CNTNAP2: variants seen among roughly 807,000 people sequenced by gnomAD.
CNTNAP2 encodes contactin-associated protein-like 2.
CNTNAP2 carries 98 observed loss-of-function variants against 155.2 expected under a neutral mutation model. That is an observed-to-expected ratio of 0.63 (90% CI 0.54 to 0.75). CNTNAP2 has a LOEUF of 0.75. Among genes scored for constraint, CNTNAP2 ranks in the 30% least tolerant of loss-of-function variants. The pLI is 0.00. For missense variants in CNTNAP2, 1,727 were observed against 1,688.1 expected, an observed-to-expected ratio of 1.02 and a Z score of -0.40; for synonymous variants, 651 against 631.2, an observed-to-expected ratio of 1.03 and a Z score of -0.47.
At chr7:147,857,099 T>C (rs1407674524) in intron 13 of CNTNAP2, among the ~76,000 whole-genome samples, 1 of 152,244 alleles carries the variant, frequency 6.6e-6, no homozygotes, top group Admixed American at 6.5e-5. Context: ...AAGTTGTTGT[T>C]GTAAACTAAA....
intron 1 of CNTNAP2, among the ~76,000 whole-genome samples, chr7:146,682,203 T>G (rs927430237): frequency 9.2e-5 from 14 of 152,104 alleles, no homozygotes; most frequent in African/African-American, 3.4e-4. Flanking sequence ...TTCCTCACTG[T>G]GGAAGAACAA....
intron 15 of CNTNAP2, among the ~76,000 whole-genome samples, chr7:148,111,235 G>A (rs776782873): frequency 2.0e-5 from 3 of 152,252 alleles, no homozygotes; most frequent in Non-Finnish European, 4.4e-5. Context: ...ACAATCCAGG[G>A]TAGGGGTGGG....
At chr7:147,408,439 G>C (rs563783867) in intron 10 of CNTNAP2, among the ~76,000 whole-genome samples, 15 of 152,286 alleles carry the variant, frequency 9.8e-5, no homozygotes, top group African/African-American at 3.6e-4. Flanking sequence ...AAGATTTGAA[G>C]CTAGGAATTT....
intron 4 of CNTNAP2, among the ~76,000 whole-genome samples, chr7:147,071,314 A>G (rs1037436681): frequency 2.0e-5 from 3 of 148,190 alleles, no homozygotes; most frequent in Non-Finnish European, 2.9e-5. Context: ...GGTATAAAGC[A>G]GATTATCCTG....
At chr7:147,746,461 C>T (rs114066045) in intron 13 of CNTNAP2, among the ~76,000 whole-genome samples, 35 of 152,244 alleles carry the variant, frequency 2.3e-4, no homozygotes, top group African/African-American at 4.3e-4. Flanking sequence ...TCCGCTGGGA[C>T]GAGGACGAAA....
At position 146,958,060 on chromosome 7, in the gene CNTNAP2, AT is replaced by A. The variant is rs566932197; in HGVS notation, c.403-85845del. 2.2e-4 allele frequency among the ~76,000 whole-genome samples: 34 copies of A among 152,284 alleles called. No homozygotes were observed. In the East Asian group the frequency reaches 6.6e-3, roughly 30 times the overall value. On this transcript the variant is annotated intron_variant, in intron 3 of 23. Transcript: ENST00000361727. ...TATTAACATATTCTTGAAATTGTCTATTCATTTGGTTTCTACTGGATGGTAC... is the reference window on the plus strand; with the variant it reads ...TATTAACATATTCTTGAAATTGTCTATCATTTGGTTTCTACTGGATGGTAC...
intron 4 of CNTNAP2, among the ~76,000 whole-genome samples, chr7:147,046,290 A>G (rs77490929): frequency 0.075 from 11,368 of 151,966 alleles, 506 homozygotes; most frequent in Middle Eastern, 0.15. Context: ...CTCCTTAAAC[A>G]TAAAAATTCA....
chr7:147,718,396 T>C (rs1450909554), intron 13 of CNTNAP2, among the ~76,000 whole-genome samples: 1 of 152,146 alleles, frequency 6.6e-6, no homozygotes, highest in Non-Finnish European at 1.5e-5. Context: ...TGTGATGAAA[T>C]GCATGATGTT....
Position 148,420,720 on chromosome 7 carries a change from G to A in CNTNAP2, c.*5104G>A, listed in dbSNP as rs897274456. The A allele has an allele frequency of 2.6e-5, 4 of 152,510 alleles. No homozygotes were observed. Among genetic ancestry groups the A allele is most frequent in the Non-Finnish European group, 5.9e-5 (4 of 68,006 alleles). The allele number at this position is 152,510 out of a possible 1,614,324, so 9.4% of individuals were successfully genotyped here. ...GATTTTACTAAGTTTTATTTTGTCAGGTTTTTTAAATTTTTTCAGTGAGCG... is the reference window on the plus strand; with the variant it reads ...GATTTTACTAAGTTTTATTTTGTCAAGTTTTTTAAATTTTTTCAGTGAGCG... On this transcript the variant is annotated 3_prime_UTR_variant, in exon 24 of 24. Transcript: ENST00000361727.
At chr7:147,858,658 T>A (rs947827844) in intron 13 of CNTNAP2, among the ~76,000 whole-genome samples, 1 of 152,144 alleles carries the variant, frequency 6.6e-6, no homozygotes, top group East Asian at 1.9e-4. Context: ...TGGGCCCTAA[T>A]TCAATGACTG....
chr7:147,316,723 A>G (rs1321989681), intron 9 of CNTNAP2, among the ~76,000 whole-genome samples: 5 of 151,540 alleles, frequency 3.3e-5, no homozygotes, highest in South Asian at 2.1e-4. Context: ...ATATACAAGA[A>G]TGTTTATTGC....
intron 13 of CNTNAP2, among the ~76,000 whole-genome samples, chr7:147,715,199 A>G (rs1297599335): frequency 6.6e-6 from 1 of 152,148 alleles, no homozygotes; most frequent in African/African-American, 2.4e-5. Flanking sequence ...GTCCACATGT[A>G]TAATTCCTGG....
chr7:146,784,660 CT>C (rs1287979568), intron 2 of CNTNAP2, among the ~76,000 whole-genome samples: 2 of 152,174 alleles, frequency 1.3e-5, no homozygotes, highest in African/African-American at 4.8e-5. Context: ...TCCTCACTCA[CT>C]TCTATAATGA....
intron 18 of CNTNAP2, among the ~76,000 whole-genome samples, chr7:148,208,680 G>A (rs1795494526): frequency 6.6e-6 from 1 of 152,148 alleles, no homozygotes; most frequent in Admixed American, 6.5e-5. Flanking sequence ...TTCAGTGAAT[G>A]GAGTTCAGGC....
chr7:147,371,875 CATAA>C (rs1361773679), intron 9 of CNTNAP2, among the ~76,000 whole-genome samples: 1 of 151,980 alleles, frequency 6.6e-6, no homozygotes, highest in Non-Finnish European at 1.5e-5. Context: ...TGTGTATATA[CATAA>C]ATACATATGG....
chr7:148,307,489 T>G (rs1643428671), intron 21 of CNTNAP2, among the ~76,000 whole-genome samples: 3 of 152,150 alleles, frequency 2.0e-5, no homozygotes, highest in Admixed American at 1.3e-4. Flanking sequence ...GGTTCTGCTG[T>G]TTTTCAGCTC....
intron 3 of CNTNAP2, among the ~76,000 whole-genome samples, chr7:146,908,216 C>T (rs202195163): frequency 0.01 from 1,542 of 152,078 alleles, 25 homozygotes; most frequent in African/African-American, 0.035. Context: ...ACTTTAACAC[C>T]GCACTGTCAA....
At chr7:146,290,980 C>T (rs1425097720) in intron 1 of CNTNAP2, among the ~76,000 whole-genome samples, 2 of 152,148 alleles carry the variant, frequency 1.3e-5, no homozygotes, top group East Asian at 1.9e-4. Flanking sequence ...CTTCCTCAAA[C>T]GGAGGCAACA....
chr7:147,956,580 A>G (rs1040728716), intron 14 of CNTNAP2, among the ~76,000 whole-genome samples: 3 of 152,168 alleles, frequency 2.0e-5, no homozygotes, highest in African/African-American at 7.2e-5. Context: ...ATCGAAGCAC[A>G]TGCAGATGCC....
Sources: gnomAD v4.1 joint callset for allele counts (sites outside exome capture counted in the v4.1 genomes callset) on GRCh38, gnomAD v4.1.1 for gene constraint, MANE v1.5 for transcripts, NCBI Gene and HGNC (gene_info 2026-07-23, HGNC 2026-07-21) for gene names.